LENG1: variants seen among roughly 807,000 people sequenced by gnomAD.
The protein encoded by LENG1 is leukocyte receptor cluster (LRC) member 1.
A neutral mutation model predicts 28.8 loss-of-function variants in LENG1; 35 were observed. The ratio of observed to expected loss-of-function variants is 1.22; its 90% CI spans 0.93 to 1.61. The LOEUF (loss-of-function observed/expected upper bound fraction) is 1.61, where lower values mean the gene tolerates loss of function less well. Among genes scored for constraint, LENG1 ranks in the 40% most tolerant of loss-of-function variants. The pLI, the probability that LENG1 is intolerant of heterozygous loss-of-function variation, is 0.00. For missense variants in LENG1, 404 were observed against 348.9 expected (o/e 1.16, Z -1.26); for synonymous variants, 170 against 140.6 (o/e 1.21, Z -1.48).
chr19:54,158,877 A>G (rs1289468874), intron 1 of LENG1, among the ~76,000 whole-genome samples: 1 of 152,260 alleles, frequency 6.6e-6, no homozygotes, highest in Non-Finnish European at 1.5e-5. Flanking sequence ...AACAGCGCTC[A>G]GCAGCCTACT....
In LENG1 at chr19:54,158,415, A is replaced by G. The variant is rs756018082; in HGVS notation, c.179T>C (p.Leu60Pro). ...LRKKARHQNS[L>P]PELEAAEAGA... ...CGCCTCTGCTGCTTCAAGCTCAGGC[A>G]GTGAGTTCTGATGTCTGGCTTTCTT... The change falls in exon 2 of 4, where the codon CTG (leucine) becomes CCG (proline). Residue 60 changes from leucine to proline, a missense_variant. Transcript: ENST00000222224. 1.2e-6 allele frequency: 2 copies of G among 1,614,226 alleles called. No individual in the cohort carries two copies. The highest frequency in any genetic ancestry group is 4.5e-5 in the East Asian group (2 of 44,890).
Position 54,155,231 on chromosome 19 carries a change from T to TCC in LENG1, c.*488_*489dup. ...GACACATCCACAGCCCTAAGAATTG[T>TCC]CCCCTTTGTCTGTTGGTCCGGCCCA... On this transcript the variant is annotated 3_prime_UTR_variant, in exon 4 of 4. Transcript: ENST00000222224. 1 of 1,568,992 alleles carries TCC rather than the reference T, an allele frequency of 6.4e-7. No homozygotes were observed. The highest frequency in any genetic ancestry group is 8.6e-7 in the Non-Finnish European group (1 of 1,159,030).
Position 54,155,189 on chromosome 19 carries a change from C to A in LENG1, c.*532G>T, listed in dbSNP as rs2075345217. 2 of 1,162,338 alleles carry A rather than the reference C, an allele frequency of 1.7e-6. No homozygotes were observed. The highest frequency in any genetic ancestry group is 2.4e-6 in the Non-Finnish European group (2 of 819,104). 72.0% of individuals were successfully genotyped at this position (1,162,338 alleles called of 1,614,324 possible). On this transcript the variant is annotated 3_prime_UTR_variant, in exon 4 of 4. Coordinates refer to ENST00000222224, the MANE Select transcript of LENG1 (RefSeq NM_024316.3). The stretch of plus-strand genomic sequence containing the variant: ...TGGATGAGAGTGTGTGCGTGCAGGG[C>A]AGCTGGCCCGGTGCCTGACACATCC...
chr19:54,155,634 A>C lies in LENG1; in HGVS notation c.*87T>G. 1 of 1,334,208 alleles carries C rather than the reference A, an allele frequency of 7.5e-7. No individual in the cohort carries two copies. The highest frequency in any genetic ancestry group is 1.0e-6 in the Non-Finnish European group (1 of 978,416). 82.6% of individuals were successfully genotyped at this position (1,334,208 alleles called of 1,614,324 possible). A position where few individuals can be genotyped will look rare whatever the true frequency, so the allele number is the denominator to read the frequency against. On this transcript the variant is annotated 3_prime_UTR_variant, in exon 4 of 4. Transcript: ENST00000222224. ...CCCAGTGAGGGACATTTTTTGGTAA[A>C]CCTATTTTCATTTTGGAAAATATTT...
At position 54,155,593 on chromosome 19, in the gene LENG1, G is replaced by A. The variant is rs1376647304; in HGVS notation, c.*128C>T. 1.4e-5 allele frequency: 15 copies of A among 1,082,624 alleles called. No individual in the cohort carries two copies. Among genetic ancestry groups the A allele is most frequent in the South Asian group, 1.6e-5 (1 of 62,568 alleles). 67.1% of individuals were successfully genotyped at this position (1,082,624 alleles called of 1,614,324 possible). ...CCCTGGGGGCCCGGGGGCGAGGGCT[G>A]CCCCCTCCTCCCCTCCCCAGTGAGG... On this transcript the variant is annotated 3_prime_UTR_variant, in exon 4 of 4. Coordinates refer to ENST00000222224, the MANE Select transcript of LENG1 (RefSeq NM_024316.3).
intron 2 of LENG1, 69 bp downstream of exon 2, chr19:54,158,213 T>C (rs2075430534): frequency 1.4e-6 from 2 of 1,406,516 alleles, no homozygotes; most frequent in Non-Finnish European, 2.0e-6. Flanking sequence ...TCACAACCAA[T>C]GGCTAAAGTG....
At chr19:54,158,158 T>C in intron 2 of LENG1, 124 bp downstream of exon 2, 3 of 917,566 alleles carry the variant, frequency 3.3e-6, no homozygotes, top group Non-Finnish European at 5.1e-6. Context: ...TGTCATGCCT[T>C]GGTATGGTCC....
At chr19:54,157,902 G>C (rs1428408397) in intron 2 of LENG1, among the ~76,000 whole-genome samples, 1 of 150,710 alleles carries the variant, frequency 6.6e-6, no homozygotes, top group Non-Finnish European at 1.5e-5. Flanking sequence ...TGTATTTTTA[G>C]AGATACCATG....
At position 54,155,452 on chromosome 19, in the gene LENG1, C is replaced by G. The variant is rs753380157; in HGVS notation, c.*269G>C. On this transcript the variant is annotated 3_prime_UTR_variant, in exon 4 of 4. Coordinates refer to ENST00000222224, the MANE Select transcript of LENG1 (RefSeq NM_024316.3). ...CCACCCCCTTCCCCCGCATGCTGAT[C>G]CCCCTGCCCAGGTGAGGGCCCTGCC... The G allele has an allele frequency of 6.5e-5, 80 of 1,237,926 alleles. No individual in the cohort carries two copies. Among genetic ancestry groups the G allele is most frequent in the Non-Finnish European group, 7.6e-5 (67 of 878,682 alleles). 76.7% of individuals were successfully genotyped at this position (1,237,926 alleles called of 1,614,324 possible).
In LENG1 at chr19:54,156,676, T is replaced by C. The variant is rs1440202227; in HGVS notation, c.575+87A>G. 9.3e-6 allele frequency: 13 copies of C among 1,405,100 alleles called. No individual in the cohort carries two copies. In the African/African-American group the frequency reaches 1.7e-4, roughly 19 times the overall value. The allele number at this position is 1,405,100 out of a possible 1,614,324, so 87.0% of individuals were successfully genotyped here. A position where few individuals can be genotyped will look rare whatever the true frequency, so the allele number is the denominator to read the frequency against. On this transcript the variant is annotated intron_variant, in intron 3 of 3. Coordinates refer to ENST00000222224, the MANE Select transcript of LENG1 (RefSeq NM_024316.3). ...CCCTTCACGGAGTCCCTGGCTGTCC[T>C]GACCAGAGACGCTGCAGTGCCCATG...
In LENG1 at chr19:54,155,451, T is replaced by TC; in HGVS notation, c.*269dup. 4.0e-6 allele frequency: 5 copies of TC among 1,264,062 alleles called. No homozygotes were observed. Among genetic ancestry groups the TC allele is most frequent in the Non-Finnish European group, 5.6e-6 (5 of 892,238 alleles). 78.3% of individuals were successfully genotyped at this position (1,264,062 alleles called of 1,614,324 possible). ...CCCACCCCCTTCCCCCGCATGCTGATCCCCCTGCCCAGGTGAGGGCCCTGC... is the reference window on the plus strand; with the variant it reads ...CCCACCCCCTTCCCCCGCATGCTGATCCCCCCTGCCCAGGTGAGGGCCCTGC... On this transcript the variant is annotated 3_prime_UTR_variant, in exon 4 of 4. Coordinates refer to ENST00000222224, the MANE Select transcript of LENG1 (RefSeq NM_024316.3).
intron 2 of LENG1, 101 bp from the exon 3 acceptor site, chr19:54,157,126 G>A (rs892291443): frequency 1.7e-5 from 16 of 948,838 alleles, no homozygotes; most frequent in African/African-American, 5.0e-5. Context: ...TCTAAGGCTT[G>A]TTATGAACCA....
chr19:54,155,575 G>A lies in LENG1; in HGVS notation c.*146C>T. ...GTTTTCCTCTCAGCCCCACCCTGGG[G>A]GCCCGGGGGCGAGGGCTGCCCCCTC... On this transcript the variant is annotated 3_prime_UTR_variant, in exon 4 of 4. Transcript: ENST00000222224. 1.0e-6 allele frequency: 1 copy of A among 992,568 alleles called. No homozygotes were observed. Among genetic ancestry groups the A allele is most frequent in the Non-Finnish European group, 1.5e-6 (1 of 683,054 alleles). The allele number at this position is 992,568 out of a possible 1,614,324, so 61.5% of individuals were successfully genotyped here.
At position 54,155,809 on chromosome 19, in the gene LENG1, G is replaced by T; in HGVS notation, c.707C>A (p.Thr236Lys). ...GTTGTACCGCCGCCGCCGGTCATCC[G>T]TCTCGTCTTCTTCCGGCTGACCCTC... ...LQEGQPEEDETDDRRRRYNSQ... is the reference protein window; with the variant it reads ...LQEGQPEEDEKDDRRRRYNSQ... Residue 236 changes from threonine to lysine, a missense_variant, in exon 4 of 4, where the codon ACG (threonine) becomes AAG (lysine). Transcript: ENST00000222224. 3 of 1,612,298 alleles carry T rather than the reference G, an allele frequency of 1.9e-6. No individual in the cohort carries two copies. Among genetic ancestry groups the T allele is most frequent in the Non-Finnish European group, 1.7e-6 (2 of 1,179,780 alleles).
rs1352478388 is a variant in LENG1, at chr19:54,159,593, C to T, written c.103G>A (p.Glu35Lys). The T allele has an allele frequency of 6.2e-7, 1 of 1,600,108 alleles. No individual in the cohort carries two copies. Among genetic ancestry groups the T allele is most frequent in the Non-Finnish European group, 8.5e-7 (1 of 1,173,136 alleles). The change falls in exon 1 of 4, where the codon GAG (glutamate) becomes AAG (lysine). Residue 35 changes from glutamate (E) to lysine (K), a missense_variant. Transcript: ENST00000222224. The stretch of plus-strand genomic sequence containing the variant: ...TGCTGAGCCAGCAGCACCCTCCGCT[C>T]ACGCTCCTTCTCCTCCTCCCGGGCC... ...AQAREEEKERERRVLLAQQEA... is the reference protein window; with the variant it reads ...AQAREEEKERKRRVLLAQQEA...
In LENG1 at chr19:54,158,328, A is replaced by T. The variant is rs778316082; in HGVS notation, c.266T>A (p.Val89Glu). ...CTTGTACTCTTTATTGCCTCTGATC[A>T]CTCCTTTCCCTTCCTCCAGCAGCTC... ...FRELLEEGKGVIRGNKEYKEE... is the reference protein window; with the variant it reads ...FRELLEEGKGEIRGNKEYKEE... The change falls in exon 2 of 4, where the codon GTG (valine) becomes GAG (glutamate). Residue 89 changes from valine (V) to glutamate (E), a missense_variant. Physicochemically the swap from Val to Glu is moderately radical, Grantham distance 121. Coordinates refer to ENST00000222224, the MANE Select transcript of LENG1 (RefSeq NM_024316.3). The T allele has an allele frequency of 5.6e-6, 9 of 1,613,456 alleles. No homozygotes were observed. The highest frequency in any genetic ancestry group is 7.6e-6 in the Non-Finnish European group (9 of 1,179,910).
Position 54,155,703 on chromosome 19 carries a change from C to T in LENG1, c.*18G>A. Reference sequence around the variant, plus strand: ...ATGACGGCTGGCAGCAGCGGCCTCTCCTGTACCCCCTCAGGAGTCAGTGAG... The same window carrying T: ...ATGACGGCTGGCAGCAGCGGCCTCTTCTGTACCCCCTCAGGAGTCAGTGAG... On this transcript the variant is annotated 3_prime_UTR_variant, in exon 4 of 4. Transcript: ENST00000222224. 1.3e-6 allele frequency: 2 copies of T among 1,598,134 alleles called. No homozygotes were observed. The highest frequency in any genetic ancestry group is 2.2e-5 in the South Asian group (2 of 89,794).
rs1338018523 is a variant in LENG1, at chr19:54,156,812, T to G, written c.526A>C (p.Ser176Arg). Residue 176 changes from serine (S) to arginine (R), a missense_variant, in exon 3 of 4, where the codon AGT becomes CGT. Transcript: ENST00000222224. ...KKRQHGGDEG[S>R]RSRKEKEGSE... Reference sequence around the variant, plus strand: ...CCCTCCTTTTCCTTTCTGCTGCGACTGCCTTCATCACCGCCGTGCTGTCTC... The same window carrying G: ...CCCTCCTTTTCCTTTCTGCTGCGACGGCCTTCATCACCGCCGTGCTGTCTC... 1.2e-6 allele frequency: 2 copies of G among 1,611,874 alleles called. No homozygotes were observed. The highest frequency in any genetic ancestry group is 1.7e-6 in the Non-Finnish European group (2 of 1,178,954).
intron 1 of LENG1, 45 bp from the exon 2 acceptor site, chr19:54,158,506 T>C: frequency 1.3e-6 from 2 of 1,571,460 alleles, no homozygotes; most frequent in Non-Finnish European, 1.7e-6. Context: ...CTAGAGGTAA[T>C]TCAAGAACTG....
Sources: gnomAD v4.1 joint callset for allele counts (sites outside exome capture counted in the v4.1 genomes callset) on GRCh38, gnomAD v4.1.1 for gene constraint, MANE v1.5 for transcripts, NCBI Gene and HGNC (gene_info 2026-07-23, HGNC 2026-07-21) for gene names.